Variants in ADCY8 observed in about 807,000 individuals in gnomAD.
ADCY8 encodes the protein adenylate cyclase type 8.
In ADCY8, 51 loss-of-function variants were observed where a neutral mutation model predicts 119.7. The observed-to-expected ratio is 0.43, with a 90% CI of 0.34 to 0.54. The LOEUF (loss-of-function observed/expected upper bound fraction) is 0.54, where lower values mean the gene tolerates loss of function less well. ADCY8 is among the 20% of genes least tolerant of loss of function. The probability of loss-of-function intolerance (pLI) is 0.03; values close to 1 mark genes in which losing one functional copy is unlikely to be tolerated. For missense variants in ADCY8, 1,383 were observed against 1,598.8 expected, an observed-to-expected ratio of 0.87 and a Z score of 2.30; for synonymous variants, 665 against 651.0, an observed-to-expected ratio of 1.02 and a Z score of -0.33.
At chr8:130,963,185 G>T (rs1821659826) in intron 2 of ADCY8, among the ~76,000 whole-genome samples, 1 of 150,716 alleles carries the variant, frequency 6.6e-6, no homozygotes, top group Non-Finnish European at 1.5e-5. Context: ...AAGTCCAGGA[G>T]TAAGTGGCTT....
At chr8:130,925,323 A>G (rs796206995) in intron 5 of ADCY8, among the ~76,000 whole-genome samples, 17 of 152,366 alleles carry the variant, frequency 1.1e-4, no homozygotes, top group African/African-American at 4.1e-4. Context: ...ACTCAACTGC[A>G]TCAAATTTTC....
chr8:130,868,817 T>TTACAAAA (rs1818222861), intron 8 of ADCY8, among the ~76,000 whole-genome samples: 1 of 152,184 alleles, frequency 6.6e-6, no homozygotes, highest in Non-Finnish European at 1.5e-5. Flanking sequence ...TAAGTGTCAC[T>TTACAAAA]TTGGAACTTT....
chr8:131,039,988 C>G lies in ADCY8; in HGVS notation c.346G>C (p.Gly116Arg), dbSNP rs754763494. ...TKVFPERSGS[G>R]SASGSGGGGD... The stretch of plus-strand genomic sequence containing the variant: ...CCGCCTCCGCTGCCGCTGGCACTGC[C>G]GCTCCCGCTGCGTTCCGGGAAGACT... Residue 116 changes from glycine to arginine, a missense_variant, in exon 1 of 18, where the codon GGC becomes CGC. Gly to Arg is a moderately radical substitution (Grantham distance 125, BLOSUM62 -2). Coordinates refer to ENST00000286355, the MANE Select transcript of ADCY8 (RefSeq NM_001115.3). The G allele has an allele frequency of 4.4e-6, 7 of 1,573,652 alleles. No homozygotes were observed. The highest frequency in any genetic ancestry group is 5.2e-6 in the Non-Finnish European group (6 of 1,160,988).
chr8:130,815,988 G>A (rs902707603), intron 13 of ADCY8, among the ~76,000 whole-genome samples: 11 of 152,262 alleles, frequency 7.2e-5, no homozygotes, highest in Admixed American at 3.3e-4. Flanking sequence ...GCAGTTCTGC[G>A]TATGTCATTA....
rs927373764 is a variant in ADCY8, at chr8:130,780,692, C to T, written c.3454G>A (p.Glu1152Lys). Residue 1152 changes from glutamate (E) to lysine (K), a missense_variant, in exon 18 of 18, where the codon GAG becomes AAG. Around this residue, in one of 2 missense-constraint regions of ADCY8, gnomAD observed 928 missense variants for 1,163.5 expected, o/e 0.80. Coordinates refer to ENST00000286355, the MANE Select transcript of ADCY8 (RefSeq NM_001115.3). ...DQGFAFDYRG[E>K]IYVKGISEQE... ...TCACTGATACCCTTCACATAGATCT[C>T]CCCTCGGTAATCAAAGGCAAAGCCC... 2 of 1,614,064 alleles carry T rather than the reference C, an allele frequency of 1.2e-6. No homozygotes were observed. The highest frequency in any genetic ancestry group is 2.7e-5 in the African/African-American group (2 of 74,932).
chr8:130,868,101 C>T (rs189575749), intron 8 of ADCY8, among the ~76,000 whole-genome samples, 155 bp from the exon 9 acceptor site: 2 of 152,244 alleles, frequency 1.3e-5, no homozygotes, highest in Admixed American at 6.5e-5. Flanking sequence ...TATCCCCATC[C>T]CTCCTGCCAA....
intron 12 of ADCY8, among the ~76,000 whole-genome samples, chr8:130,831,689 A>T (rs1563683115): frequency 6.6e-6 from 1 of 152,206 alleles, no homozygotes; most frequent in Non-Finnish European, 1.5e-5. Flanking sequence ...ACTGGTTTGA[A>T]AATTTAACTT....
chr8:130,968,681 G>A (rs192914514), intron 2 of ADCY8, among the ~76,000 whole-genome samples: 182 of 152,276 alleles, frequency 1.2e-3, no homozygotes, highest in African/African-American at 4.2e-3. Flanking sequence ...GACATCAGCG[G>A]TATTCTTTAG....
chr8:131,028,671 A>G (rs994730460), intron 1 of ADCY8, among the ~76,000 whole-genome samples: 2 of 152,198 alleles, frequency 1.3e-5, no homozygotes, highest in Admixed American at 1.3e-4. Context: ...AGAAGTCTGT[A>G]GATAAACTGG....
At chr8:130,986,464 T>C (rs1395886492) in intron 2 of ADCY8, among the ~76,000 whole-genome samples, 1 of 152,270 alleles carries the variant, frequency 6.6e-6, no homozygotes, top group East Asian at 1.9e-4. Context: ...TCTTTAGAGA[T>C]TGTGGAGAGA....
At chr8:130,851,290 A>T (rs1343658267) in intron 9 of ADCY8, among the ~76,000 whole-genome samples, 1 of 152,236 alleles carries the variant, frequency 6.6e-6, no homozygotes, top group East Asian at 1.9e-4. Context: ...ATATTCCGGG[A>T]TCTATAAAGA....
chr8:130,988,369 GC>G (rs752789211), intron 2 of ADCY8, among the ~76,000 whole-genome samples: 15 of 152,152 alleles, frequency 9.9e-5, no homozygotes, highest in Non-Finnish European at 1.5e-4. Flanking sequence ...ACTAAAAGAA[GC>G]CTACACAGTA....
chr8:130,826,771 G>A (rs974019424), intron 12 of ADCY8, among the ~76,000 whole-genome samples: 2 of 151,914 alleles, frequency 1.3e-5, no homozygotes, highest in African/African-American at 4.8e-5. Context: ...GGGTATTTGG[G>A]GTGGGATGGG....
chr8:130,906,198 T>C (rs1055915722), intron 6 of ADCY8, among the ~76,000 whole-genome samples: 1 of 152,230 alleles, frequency 6.6e-6, no homozygotes, highest in African/African-American at 2.4e-5. Context: ...CTCAATAATA[T>C]TGACCTGGGA....
chr8:130,905,567 A>T (rs559674613), intron 6 of ADCY8, among the ~76,000 whole-genome samples: 26 of 152,104 alleles, frequency 1.7e-4, no homozygotes, highest in African/African-American at 2.4e-4. Flanking sequence ...AAAAGTTTTT[A>T]AAAAAAATTT....
chr8:130,956,766 A>G (rs1251825406), intron 2 of ADCY8, among the ~76,000 whole-genome samples: 1 of 152,176 alleles, frequency 6.6e-6, no homozygotes, highest in Non-Finnish European at 1.5e-5. Context: ...ATGGTAGTGA[A>G]TAAGTCTCAC....
At chr8:130,895,644 G>C (rs923048815) in intron 7 of ADCY8, among the ~76,000 whole-genome samples, 1 of 152,134 alleles carries the variant, frequency 6.6e-6, no homozygotes, top group South Asian at 2.1e-4. Context: ...AGCCTGGGGA[G>C]TTTTATTGTC....
At chr8:130,973,957 A>G (rs78760669) in intron 2 of ADCY8, among the ~76,000 whole-genome samples, 197 of 152,366 alleles carry the variant, frequency 1.3e-3, no homozygotes, top group African/African-American at 4.7e-3. Context: ...AAATTTGCTC[A>G]AGAGACTCAA....
At chr8:130,895,053 G>T (rs1318162096) in intron 7 of ADCY8, among the ~76,000 whole-genome samples, 2 of 152,090 alleles carry the variant, frequency 1.3e-5, no homozygotes, top group Non-Finnish European at 2.9e-5. Context: ...TGAACACCAA[G>T]AATGATAGAA....
Sources: gnomAD v4.1 joint callset for allele counts (sites outside exome capture counted in the v4.1 genomes callset) on GRCh38, gnomAD v4.1.1 for gene constraint, gnomAD v4.1.1 regional missense constraint, MANE v1.5 for transcripts, NCBI Gene and HGNC (gene_info 2026-07-23, HGNC 2026-07-21) for gene names.